Variants in TGFB2 observed in about 807,000 individuals in gnomAD.
The protein encoded by TGFB2 is transforming growth factor beta 2.
In TGFB2, 13 loss-of-function variants were observed where a neutral mutation model predicts 42.7. That is an observed-to-expected ratio of 0.30 (90% CI 0.20 to 0.48). TGFB2 has a LOEUF of 0.48. TGFB2 is among the 20% of genes least tolerant of loss of function. The pLI is 0.99. For missense variants in TGFB2, 390 were observed against 517.5 expected, an observed-to-expected ratio of 0.75 and a Z score of 2.39; for synonymous variants, 193 against 193.6, an observed-to-expected ratio of 1.00 and a Z score of 0.03.
At chr1:218,363,565 AT>A (rs1212938166) in intron 1 of TGFB2, 20 of 718,572 alleles carry the variant, frequency 2.8e-5, no homozygotes, top group Middle Eastern at 4.0e-4. Flanking sequence ...GGTGCCTAGA[AT>A]TTTTTTTAGT....
At chr1:218,401,132 C>T (rs765603564) in intron 1 of TGFB2, among the ~76,000 whole-genome samples, 12 of 152,000 alleles carry the variant, frequency 7.9e-5, no homozygotes, top group African/African-American at 2.7e-4. Flanking sequence ...GCTGGCCACA[C>T]GCTCATGAAG....
At chr1:218,440,207 A>ATGATTG (rs1333621883) in intron 6 of TGFB2, among the ~76,000 whole-genome samples, 3 of 152,198 alleles carry the variant, frequency 2.0e-5, no homozygotes, top group African/African-American at 7.2e-5. Context: ...AGGGTTGATT[A>ATGATTG]TGATTGTGAT....
intron 2 of TGFB2, among the ~76,000 whole-genome samples, chr1:218,420,029 G>C (rs910932628): frequency 2.6e-5 from 4 of 152,194 alleles, no homozygotes; most frequent in African/African-American, 9.6e-5. Flanking sequence ...ATAGGTGCCA[G>C]GAGGTAGGAA....
intron 6 of TGFB2, among the ~76,000 whole-genome samples, chr1:218,439,137 G>A (rs370621874): frequency 8.6e-4 from 130 of 150,858 alleles, no homozygotes; most frequent in African/African-American, 3.1e-3. Flanking sequence ...AGAAATTGGG[G>A]TCTAGATCAT....
intron 1 of TGFB2, among the ~76,000 whole-genome samples, chr1:218,360,575 G>T (rs1256869886): frequency 6.6e-6 from 1 of 152,100 alleles, no homozygotes; most frequent in Non-Finnish European, 1.5e-5. Flanking sequence ...TTGATACCTA[G>T]GTGATGGGGT....
chr1:218,349,765 G>A (rs1656809432), intron 1 of TGFB2, among the ~76,000 whole-genome samples: 1 of 152,202 alleles, frequency 6.6e-6, no homozygotes, highest in African/African-American at 2.4e-5. Context: ...TATATGCCCT[G>A]AGGCATATTT....
chr1:218,346,397 C>CT lies in TGFB2; in HGVS notation c.-298dup, dbSNP rs1393040361. On this transcript the variant is annotated 5_prime_UTR_variant, in exon 1 of 7. Transcript: ENST00000366930. This position sits in a 1 kb window ranked among gnomAD's most constrained non-coding sequence, Gnocchi z 4.9. ...ATTTCTACTTAATAGCCACTCGTCT[C>CT]TTTTTTTCCCCATCTCATTGCTCCA... 2 of 303,958 alleles carry CT rather than the reference C, an allele frequency of 6.6e-6. No individual in the cohort carries two copies. The highest frequency in any genetic ancestry group is 2.2e-5 in the African/African-American group (1 of 45,416). The allele number at this position is 303,958 out of a possible 1,614,324, so 18.8% of individuals were successfully genotyped here.
At chr1:218,363,483 G>T in intron 1 of TGFB2, 2 of 1,495,378 alleles carry the variant, frequency 1.3e-6, no homozygotes, top group Non-Finnish European at 1.9e-6. Context: ...TTTAGTGTTT[G>T]TCTCCTGTGG....
intron 2 of TGFB2, among the ~76,000 whole-genome samples, chr1:218,432,527 C>T (rs1017857601): frequency 2.6e-5 from 4 of 152,120 alleles, no homozygotes; most frequent in African/African-American, 9.7e-5. Flanking sequence ...TTTTAGGAAG[C>T]GTCTGTTGCC....
intron 1 of TGFB2, among the ~76,000 whole-genome samples, chr1:218,353,702 G>A (rs1252890545): frequency 6.6e-6 from 1 of 152,182 alleles, no homozygotes; most frequent in Admixed American, 6.5e-5. Flanking sequence ...TTGAAGACCA[G>A]CCTGGGCAAC....
chr1:218,378,203 C>T (rs1657813574), intron 1 of TGFB2, among the ~76,000 whole-genome samples: 1 of 150,702 alleles, frequency 6.6e-6, no homozygotes, highest in South Asian at 2.1e-4. Flanking sequence ...TGGAGTCTTG[C>T]TCTGTCGCAC....
chr1:218,373,113 G>C (rs1164974083), intron 1 of TGFB2, among the ~76,000 whole-genome samples: 1 of 152,194 alleles, frequency 6.6e-6, no homozygotes, highest in African/African-American at 2.4e-5. Flanking sequence ...GGGAGGCGGA[G>C]GTTGTGGTGA....
chr1:218,389,353 A>G (rs1658246216), intron 1 of TGFB2, among the ~76,000 whole-genome samples: 1 of 152,186 alleles, frequency 6.6e-6, no homozygotes, highest in Non-Finnish European at 1.5e-5. Flanking sequence ...TGGGAAGATG[A>G]CAGATTCAGT....
intron 2 of TGFB2, among the ~76,000 whole-genome samples, chr1:218,432,313 C>A (rs1030512305): frequency 1.3e-5 from 2 of 152,140 alleles, no homozygotes; most frequent in African/African-American, 4.8e-5. Context: ...TTCTTTAATT[C>A]GCAAAGAACA....
chr1:218,362,230 C>T (rs1234362849), intron 1 of TGFB2, among the ~76,000 whole-genome samples: 4 of 152,198 alleles, frequency 2.6e-5, no homozygotes, highest in Non-Finnish European at 4.4e-5. Flanking sequence ...GTTTTCAAGT[C>T]AGGTCTGAAT....
chr1:218,384,314 G>C (rs574204861), intron 1 of TGFB2, among the ~76,000 whole-genome samples: 1 of 151,968 alleles, frequency 6.6e-6, no homozygotes, highest in Non-Finnish European at 1.5e-5. Flanking sequence ...TGGAAAAAGC[G>C]TTAGCAGGTA....
At chr1:218,384,661 G>T (rs115328803) in intron 1 of TGFB2, among the ~76,000 whole-genome samples, 137 of 152,246 alleles carry the variant, frequency 9.0e-4, no homozygotes, top group Middle Eastern at 3.4e-3. Flanking sequence ...ATTGAGAGAG[G>T]CTGGCTTTCC....
intron 1 of TGFB2, among the ~76,000 whole-genome samples, chr1:218,381,665 C>A (rs1230514242): frequency 6.6e-6 from 1 of 152,154 alleles, no homozygotes; most frequent in Non-Finnish European, 1.5e-5. Flanking sequence ...GCACCAGTGA[C>A]AAGATCACAA....
At chr1:218,381,857 G>A (rs919403677) in intron 1 of TGFB2, among the ~76,000 whole-genome samples, 3 of 152,180 alleles carry the variant, frequency 2.0e-5, no homozygotes, top group Admixed American at 6.5e-5. Context: ...GTGCACACGC[G>A]CGTGCCTATG....
Sources: allele counts gnomAD v4.1 joint callset (sites outside exome capture counted in the v4.1 genomes callset), GRCh38; gene constraint gnomAD v4.1.1; non-coding constraint Gnocchi (gnomAD v3.1); transcripts MANE v1.5; gene names NCBI Gene and HGNC (gene_info 2026-07-23, HGNC 2026-07-21).